Variants in TENM2 observed in about 807,000 individuals in gnomAD.
TENM2 encodes teneurin transmembrane protein 2, also known as teneurin-2.
A neutral mutation model predicts 245.2 loss-of-function variants in TENM2; 52 were observed. That is an observed-to-expected ratio of 0.21 (90% CI 0.17 to 0.27). TENM2 has a LOEUF of 0.27. TENM2 is among the 10% of genes least tolerant of loss of function. The pLI is 1.00. For synonymous variants in TENM2, 1,363 were observed against 1,438.9 expected (o/e 0.95, Z 1.19); for missense variants, 3,046 against 3,666.8 (o/e 0.83, Z 4.37).
chr5:167,087,579 A>G, the TENM2 span, among the ~76,000 whole-genome samples: 1 of 152,198 alleles, frequency 6.6e-6, no homozygotes, highest in Non-Finnish European at 1.5e-5. Flanking sequence ...AACACATAGA[A>G]TAGTACCTTG....
At chr5:167,157,594 G>A in the TENM2 span, among the ~76,000 whole-genome samples, 1 of 152,126 alleles carries the variant, frequency 6.6e-6, no homozygotes, top group African/African-American at 2.4e-5. Flanking sequence ...ACACAGCTTA[G>A]GGAGGAAGAT....
intron 1 of TENM2, among the ~76,000 whole-genome samples, chr5:167,363,547 C>T (rs1052128012): frequency 1.1e-4 from 17 of 151,772 alleles, no homozygotes; most frequent in Non-Finnish European, 2.2e-4. Flanking sequence ...CTGGTTAACA[C>T]GGTGAAACCC....
At chr5:167,463,210 G>T (rs543915204) in intron 2 of TENM2, among the ~76,000 whole-genome samples, 1 of 152,228 alleles carries the variant, frequency 6.6e-6, no homozygotes, top group South Asian at 2.1e-4. Flanking sequence ...TTCAGTATCA[G>T]TGTCATAAAT....
chr5:168,258,804 T>G (rs560634148), intron 27 of TENM2, among the ~76,000 whole-genome samples: 1 of 152,188 alleles, frequency 6.6e-6, no homozygotes, highest in African/African-American at 2.4e-5. Flanking sequence ...GATGGTTGCA[T>G]AACATTGTGA....
At chr5:167,852,474 A>C (rs1033403440) in intron 2 of TENM2, among the ~76,000 whole-genome samples, 1 of 152,236 alleles carries the variant, frequency 6.6e-6, no homozygotes, top group Non-Finnish European at 1.5e-5. Flanking sequence ...GCAAAACGGT[A>C]GCATCTTTTA....
At chr5:168,159,822 G>T (rs1436442905) in intron 12 of TENM2, among the ~76,000 whole-genome samples, 1 of 152,172 alleles carries the variant, frequency 6.6e-6, no homozygotes, top group Non-Finnish European at 1.5e-5. Context: ...CAGTTGGTCT[G>T]CAGGGGCAGG....
intron 5 of TENM2, among the ~76,000 whole-genome samples, chr5:168,030,767 T>C (rs1408673332): frequency 6.6e-6 from 1 of 152,166 alleles, no homozygotes; most frequent in African/African-American, 2.4e-5. Context: ...ATCATGTAAA[T>C]ACCCTGAATT....
chr5:167,251,662 T>C, the TENM2 span, among the ~76,000 whole-genome samples: 1 of 152,146 alleles, frequency 6.6e-6, no homozygotes, highest in South Asian at 2.1e-4. Context: ...CCACTTTATC[T>C]TACTAAGAGA....
chr5:167,757,961 C>A (rs569195652), intron 2 of TENM2, among the ~76,000 whole-genome samples: 1 of 152,274 alleles, frequency 6.6e-6, no homozygotes, highest in South Asian at 2.1e-4. Context: ...GCCTTGGTTA[C>A]CCTGTGGCAT....
chr5:168,064,562 A>C (rs1268426243), intron 7 of TENM2, among the ~76,000 whole-genome samples: 1 of 152,260 alleles, frequency 6.6e-6, no homozygotes, highest in Admixed American at 6.5e-5. Context: ...TCTGACATTC[A>C]GGACTCAAAT....
In TENM2 at chr5:167,371,334, G is replaced by GTTTT. The variant is rs768614312; in HGVS notation, c.227-3853_227-3850dup. 3.4e-3 allele frequency among the ~76,000 whole-genome samples: 432 copies of GTTTT among 128,926 alleles called. 4 individuals carry two copies. The highest frequency in any genetic ancestry group is 0.011 in the African/African-American group (386 of 34,582). The allele number at this position is 128,926 out of a possible 152,430, so 84.6% of individuals were successfully genotyped here. On this transcript the variant is annotated intron_variant, in intron 1 of 28. Transcript: ENST00000518659. The stretch of plus-strand genomic sequence containing the variant: ...CACGATGTGACCTCCATGGCTCCCT[G>GTTTT]TTTTTTTTTTTTTTCTTTCTTTTCT...
intron 2 of TENM2, among the ~76,000 whole-genome samples, chr5:167,802,134 A>G (rs1176366251): frequency 6.6e-6 from 1 of 152,076 alleles, no homozygotes; most frequent in Non-Finnish European, 1.5e-5. Flanking sequence ...TCATTAATCC[A>G]TTCATGAGGG....
Position 167,861,804 on chromosome 5 carries a change from A to G in TENM2, c.503-14182A>G, listed in dbSNP as rs550938646. 2.0e-5 allele frequency among the ~76,000 whole-genome samples: 3 copies of G among 152,364 alleles called. No individual in the cohort carries two copies. In the East Asian group the frequency reaches 5.8e-4, roughly 29 times the overall value. On this transcript the variant is annotated intron_variant, in intron 2 of 28. Coordinates refer to ENST00000518659, the Ensembl canonical transcript of TENM2. ...CCTGATAGCACAGGGCTCAAGCGAC[A>G]GCAGTCAGAAGCAAAGCAGGCCTTT...
intron 3 of TENM2, among the ~76,000 whole-genome samples, chr5:167,927,988 G>A (rs909570129): frequency 1.3e-5 from 2 of 152,158 alleles, no homozygotes; most frequent in African/African-American, 4.8e-5. Flanking sequence ...TTTTGGTAGG[G>A]AATCACCAGC....
intron 2 of TENM2, among the ~76,000 whole-genome samples, chr5:167,428,443 A>G (rs1437460709): frequency 6.6e-6 from 1 of 152,242 alleles, no homozygotes; most frequent in Non-Finnish European, 1.5e-5. Flanking sequence ...GTTACTAATC[A>G]GCAGCATTCA....
the TENM2 span, among the ~76,000 whole-genome samples, chr5:167,152,138 G>A: frequency 6.6e-6 from 1 of 152,174 alleles, no homozygotes; most frequent in African/African-American, 2.4e-5. Context: ...CTTTCAAGCT[G>A]TTCTGATTTC....
intron 2 of TENM2, among the ~76,000 whole-genome samples, chr5:167,375,915 A>G (rs1206562118): frequency 6.6e-6 from 1 of 152,126 alleles, no homozygotes; most frequent in African/African-American, 2.4e-5. Flanking sequence ...CCAGGCGGCA[A>G]TGCCTCATAT....
intron 2 of TENM2, among the ~76,000 whole-genome samples, chr5:167,579,063 AT>A (rs1774906608): frequency 6.6e-6 from 1 of 152,076 alleles, no homozygotes. Flanking sequence ...CTTTAATTTA[AT>A]TTGTTCCATT....
rs190907472 is a variant in TENM2, at chr5:167,397,229, G to A, written c.502+21756G>A. On this transcript the variant is annotated intron_variant, in intron 2 of 28. Transcript: ENST00000518659. ...CATGGAAGGGAGGGAGGGAGAATAG[G>A]AGAGAATGCAGGAAAATGAAGAAAG... Among the ~76,000 whole-genome samples the A allele has an allele frequency of 4.0e-3, 607 of 152,000 alleles. 8 individuals are homozygous for A. The highest frequency in any genetic ancestry group is 0.014 in the African/African-American group (582 of 41,468).
Sources: allele counts gnomAD v4.1 joint callset (sites outside exome capture counted in the v4.1 genomes callset), GRCh38; gene constraint gnomAD v4.1.1; transcripts MANE v1.5; gene names NCBI Gene and HGNC (gene_info 2026-07-23, HGNC 2026-07-21).